PTPRD: variants seen among roughly 807,000 people sequenced by gnomAD.
PTPRD encodes the protein protein tyrosine phosphatase receptor type D.
In PTPRD, 34 loss-of-function variants were observed where a neutral mutation model predicts 214.5. The observed-to-expected ratio is 0.16, with a 90% CI of 0.12 to 0.21. The LOEUF (loss-of-function observed/expected upper bound fraction) is 0.21, where lower values mean the gene tolerates loss of function less well. PTPRD is among the 10% of genes least tolerant of loss of function. The pLI is 1.00. For synonymous variants in PTPRD, 1,128 were observed against 845.7 expected, an observed-to-expected ratio of 1.33 and a Z score of -5.79; for missense variants, 2,545 against 2,398.7, an observed-to-expected ratio of 1.06 and a Z score of -1.27.
intron 7 of PTPRD, among the ~76,000 whole-genome samples, chr9:9,696,250 C>T (rs1452102057): frequency 6.6e-6 from 1 of 152,026 alleles, no homozygotes; most frequent in African/African-American, 2.4e-5. Context: ...ATGTTTCATA[C>T]GTTTATAAGA....
chr9:8,538,087 C>T (rs2077390596), intron 14 of PTPRD, among the ~76,000 whole-genome samples: 1 of 151,866 alleles, frequency 6.6e-6, no homozygotes, highest in African/African-American at 2.4e-5. Flanking sequence ...ACATTTATTC[C>T]CTTCTTTGGG....
chr9:8,911,000 T>G (rs139547059), intron 11 of PTPRD, among the ~76,000 whole-genome samples: 1 of 152,194 alleles, frequency 6.6e-6, no homozygotes, highest in Admixed American at 6.5e-5. Flanking sequence ...AAGACACTAT[T>G]ATTAAAATGG....
chr9:8,316,959 T>C lies in PTPRD; in HGVS notation c.*915A>G, dbSNP rs564573569. ...CTGTCTATATATACATAGACACCCT[T>C]ATAAAATATGGATATATATGTATAT... On this transcript the variant is annotated 3_prime_UTR_variant, in exon 46 of 46. Transcript: ENST00000381196. The C allele has an allele frequency of 6.2e-4, 144 of 231,500 alleles. No individual in the cohort carries two copies. The highest frequency in any genetic ancestry group is 3.1e-3 in the African/African-American group (140 of 45,268). 14.3% of individuals were successfully genotyped at this position (231,500 alleles called of 1,614,324 possible).
At chr9:9,252,263 G>A (rs1036954293) in intron 9 of PTPRD, among the ~76,000 whole-genome samples, 5 of 151,988 alleles carry the variant, frequency 3.3e-5, no homozygotes, top group Non-Finnish European at 7.4e-5. Flanking sequence ...CATTTATAAG[G>A]AAATCTCTGT....
chr9:9,795,249 T>C (rs1160380144), intron 5 of PTPRD, among the ~76,000 whole-genome samples: 1 of 152,212 alleles, frequency 6.6e-6, no homozygotes, highest in African/African-American at 2.4e-5. Context: ...TTTGAGAATA[T>C]ATTTAATTTG....
intron 12 of PTPRD, among the ~76,000 whole-genome samples, chr9:8,651,570 C>T (rs2096809751): frequency 1.3e-5 from 2 of 152,142 alleles, no homozygotes; most frequent in African/African-American, 4.8e-5. Flanking sequence ...GCTTTTTTTC[C>T]TTCCCAGCTA....
chr9:9,824,882 A>G (rs1487442509), intron 5 of PTPRD, among the ~76,000 whole-genome samples: 1 of 152,010 alleles, frequency 6.6e-6, no homozygotes, highest in Non-Finnish European at 1.5e-5. Flanking sequence ...CAAAAATGAA[A>G]GGCCCAGATA....
intron 5 of PTPRD, among the ~76,000 whole-genome samples, chr9:9,793,803 C>A (rs2098983483): frequency 6.6e-6 from 1 of 151,928 alleles, no homozygotes; most frequent in African/African-American, 2.4e-5. Context: ...TTCCAGTTAA[C>A]TTTAATAAAT....
intron 14 of PTPRD, among the ~76,000 whole-genome samples, chr9:8,582,227 T>C (rs1015123346): frequency 6.6e-6 from 1 of 152,136 alleles, no homozygotes; most frequent in Admixed American, 6.5e-5. Context: ...TGCATCCATG[T>C]AGAATAACAA....
chr9:9,532,443 G>C (rs989475639), intron 8 of PTPRD, among the ~76,000 whole-genome samples: 12 of 152,132 alleles, frequency 7.9e-5, no homozygotes, highest in African/African-American at 2.9e-4. Flanking sequence ...TTTGGAACTG[G>C]ACTTTCTGCA....
chr9:9,166,365 C>T (rs2099903950), intron 10 of PTPRD, among the ~76,000 whole-genome samples: 7 of 152,022 alleles, frequency 4.6e-5, no homozygotes, highest in Admixed American at 4.6e-4. Flanking sequence ...AAACTCCTTC[C>T]ACTCCATCCA....
intron 3 of PTPRD, among the ~76,000 whole-genome samples, chr9:10,263,138 C>T (rs1229163749): frequency 2.6e-5 from 4 of 152,128 alleles, no homozygotes; most frequent in Non-Finnish European, 5.9e-5. Flanking sequence ...TTATAAATTA[C>T]TCAGTCTCAG....
At chr9:10,276,958 T>C (rs548223784) in intron 3 of PTPRD, among the ~76,000 whole-genome samples, 1 of 152,278 alleles carries the variant, frequency 6.6e-6, no homozygotes, top group African/African-American at 2.4e-5. Context: ...TGGTAAAGAA[T>C]AATCCAATTA....
At chr9:10,126,161 G>T (rs544977635) in intron 3 of PTPRD, among the ~76,000 whole-genome samples, 2 of 152,084 alleles carry the variant, frequency 1.3e-5, no homozygotes, top group Non-Finnish European at 2.9e-5. Flanking sequence ...GTGAAACAAA[G>T]GTGGGCATAT....
At chr9:10,417,410 T>G (rs2098502142) in intron 2 of PTPRD, among the ~76,000 whole-genome samples, 2 of 151,886 alleles carry the variant, frequency 1.3e-5, no homozygotes, top group Non-Finnish European at 2.9e-5. Context: ...ATCTTATCTT[T>G]GCCTGGCCCC....
chr9:8,811,006 G>C (rs2096791138), intron 11 of PTPRD, among the ~76,000 whole-genome samples: 1 of 152,094 alleles, frequency 6.6e-6, no homozygotes, highest in Admixed American at 6.6e-5. Context: ...AGAAAGCCCT[G>C]AACAGAAAGG....
intron 44 of PTPRD, among the ~76,000 whole-genome samples, chr9:8,329,998 A>ACCAAG (rs1838275405): frequency 6.6e-6 from 1 of 151,430 alleles, no homozygotes; most frequent in South Asian, 2.1e-4. Context: ...GGTGGGACAC[A>ACCAAG]CCAAGCCAGG....
At chr9:10,330,478 C>T (rs770949060) in intron 3 of PTPRD, among the ~76,000 whole-genome samples, 1 of 151,690 alleles carries the variant, frequency 6.6e-6, no homozygotes, top group Non-Finnish European at 1.5e-5. Flanking sequence ...ATTTTTTGTT[C>T]CTTTTTCCAT....
At chr9:8,863,915 G>A (rs2098150403) in intron 11 of PTPRD, among the ~76,000 whole-genome samples, 1 of 152,144 alleles carries the variant, frequency 6.6e-6, no homozygotes, top group Non-Finnish European at 1.5e-5. Context: ...TCCATTTAGT[G>A]TTTGTATCTT....
Sources: allele counts gnomAD v4.1 joint callset (sites outside exome capture counted in the v4.1 genomes callset), GRCh38; gene constraint gnomAD v4.1.1; transcripts MANE v1.5; gene names NCBI Gene and HGNC (gene_info 2026-07-23, HGNC 2026-07-21).